TLL1: variants seen among roughly 807,000 people sequenced by gnomAD.
TLL1 encodes tolloid-like protein 1.
Under a neutral mutation model 128.2 loss-of-function variants are expected in TLL1, and 49 were observed. The ratio of observed to expected loss-of-function variants is 0.38; its 90% CI spans 0.30 to 0.48. The LOEUF is 0.48. TLL1 is among the 20% of genes least tolerant of loss of function. The pLI, the probability that TLL1 is intolerant of heterozygous loss-of-function variation, is 0.96. For synonymous variants in TLL1, 454 were observed against 418.8 expected, an observed-to-expected ratio of 1.08 and a Z score of -1.03; for missense variants, 1,123 against 1,242.0, an observed-to-expected ratio of 0.90 and a Z score of 1.44.
rs140767132 is a variant in TLL1 at position 165,874,291 on chromosome 4, C to A, written c.169+218C>A. ...AGTTCTGTGCCAGTGGGATCCACTG[C>A]CAAGCTCCCATCTCCCAGTTTGGGA... On this transcript the variant is annotated intron_variant, in intron 1 of 20. Transcript: ENST00000061240. 4.5e-3 allele frequency among the ~76,000 whole-genome samples: 687 copies of A among 152,204 alleles called. 9 individuals carry two copies. Among genetic ancestry groups the A allele is most frequent in the African/African-American group, 0.015 (619 of 41,518 alleles).
intron 18 of TLL1, among the ~76,000 whole-genome samples, chr4:166,088,486 C>T (rs539803127): frequency 1.3e-5 from 2 of 152,134 alleles, no homozygotes; most frequent in East Asian, 1.9e-4. Context: ...ATACAAGGGA[C>T]AGACTTCCGA....
At chr4:165,959,991 G>A (rs909924689) in intron 1 of TLL1, among the ~76,000 whole-genome samples, 5 of 151,958 alleles carry the variant, frequency 3.3e-5, no homozygotes, top group African/African-American at 7.2e-5. Flanking sequence ...GACTATATTC[G>A]AGCAGAGCTG....
chr4:165,916,788 G>C (rs538125648), intron 1 of TLL1, among the ~76,000 whole-genome samples: 1 of 152,124 alleles, frequency 6.6e-6, no homozygotes, highest in South Asian at 2.1e-4. Context: ...CAGAGAACTG[G>C]TTCTGCTGCC....
chr4:166,052,897 G>C (rs928688580), intron 12 of TLL1, among the ~76,000 whole-genome samples: 1 of 143,794 alleles, frequency 7.0e-6, no homozygotes, highest in Non-Finnish European at 1.5e-5. Flanking sequence ...ATCTGGAAAT[G>C]TTCTCATATT....
intron 16 of TLL1, among the ~76,000 whole-genome samples, chr4:166,073,377 T>C (rs779163467): frequency 3.9e-5 from 6 of 152,176 alleles, no homozygotes; most frequent in Non-Finnish European, 7.4e-5. Context: ...TTCAAAATTA[T>C]GGTAAATTTC....
intron 1 of TLL1, among the ~76,000 whole-genome samples, chr4:165,891,144 C>A (rs1482153392): frequency 6.6e-6 from 1 of 152,148 alleles, no homozygotes; most frequent in Non-Finnish European, 1.5e-5. Context: ...ACGCACAGAG[C>A]AGGAAGACCC....
intron 16 of TLL1, among the ~76,000 whole-genome samples, chr4:166,068,182 A>C (rs764166260): frequency 1.9e-4 from 29 of 151,668 alleles, no homozygotes; most frequent in Non-Finnish European, 4.0e-4. Flanking sequence ...ATTTCCTGGG[A>C]GTTTCTGTTA....
chr4:166,094,851 T>A (rs186315088), intron 19 of TLL1, among the ~76,000 whole-genome samples: 29 of 152,246 alleles, frequency 1.9e-4, no homozygotes, highest in Non-Finnish European at 3.2e-4. Context: ...TATTCTACTC[T>A]TTCATCAAAT....
intron 1 of TLL1, among the ~76,000 whole-genome samples, chr4:165,921,984 T>TA (rs1733063609): frequency 6.6e-6 from 1 of 152,036 alleles, no homozygotes; most frequent in African/African-American, 2.4e-5. Context: ...ATGGCAAAGA[T>TA]AAATTTTAGG....
Position 166,101,220 on chromosome 4 carries a change from G to T in TLL1, c.*344G>T. The T allele has an allele frequency of 3.4e-6, 1 of 294,942 alleles. No homozygotes were observed. Among genetic ancestry groups the T allele is most frequent in the Non-Finnish European group, 6.5e-6 (1 of 153,518 alleles). The allele number at this position is 294,942 out of a possible 1,614,324, so 18.3% of individuals were successfully genotyped here. A position where few individuals can be genotyped will look rare whatever the true frequency, so the allele number is the denominator to read the frequency against. On this transcript the variant is annotated 3_prime_UTR_variant, in exon 21 of 21. Coordinates refer to ENST00000061240, the MANE Select transcript of TLL1 (RefSeq NM_012464.5). ...ACTGTGACCCTGCAGTGTTCTTTTT[G>T]ACAATTTGTCAAGATTTAGGGACAT...
intron 15 of TLL1, among the ~76,000 whole-genome samples, chr4:166,062,605 A>T (rs1239154102): frequency 6.6e-6 from 1 of 152,188 alleles, no homozygotes; most frequent in Non-Finnish European, 1.5e-5. Flanking sequence ...TTTTCAGCTT[A>T]TGGAGATTTT....
intron 1 of TLL1, among the ~76,000 whole-genome samples, chr4:165,962,364 C>T (rs1477864614): frequency 1.3e-5 from 2 of 152,130 alleles, no homozygotes; most frequent in Non-Finnish European, 2.9e-5. Flanking sequence ...ATCAAAACTA[C>T]AGTGAGACAC....
intron 1 of TLL1, among the ~76,000 whole-genome samples, chr4:165,942,842 T>C (rs1734080638): frequency 6.6e-6 from 1 of 152,042 alleles, no homozygotes; most frequent in South Asian, 2.1e-4. Flanking sequence ...TTAGATTATA[T>C]GGAGACTTTT....
At chr4:166,075,192 T>C (rs564655423) in intron 17 of TLL1, among the ~76,000 whole-genome samples, 189 bp downstream of exon 17, 6 of 152,302 alleles carry the variant, frequency 3.9e-5, no homozygotes, top group Admixed American at 2.0e-4. Context: ...ACTTCGCACA[T>C]AGATGGCATT....
intron 1 of TLL1, among the ~76,000 whole-genome samples, chr4:165,945,825 CA>C (rs1734218452): frequency 6.6e-6 from 1 of 152,108 alleles, no homozygotes; most frequent in Non-Finnish European, 1.5e-5. Context: ...GCTGTTCAGT[CA>C]AGCTAATCCA....
In TLL1 at chr4:166,097,746, T is replaced by C. The variant is rs181123476; in HGVS notation, c.2657-1531T>C. The stretch of plus-strand genomic sequence containing the variant: ...ACCATCTTCACTAAGGACTATCTGG[T>C]CACAGACTACCATCACAGTATTACA... On this transcript the variant is annotated intron_variant, in intron 19 of 20. Transcript: ENST00000061240. Among the ~76,000 whole-genome samples, 33 of 152,258 alleles carry C rather than the reference T, an allele frequency of 2.2e-4. No individual in the cohort carries two copies. In the East Asian group the frequency reaches 6.2e-3, roughly 29 times the overall value.
At chr4:165,939,575 C>T (rs80115560) in intron 1 of TLL1, among the ~76,000 whole-genome samples, 5,441 of 151,992 alleles carry the variant, frequency 0.036, 290 homozygotes, top group African/African-American at 0.12. Flanking sequence ...CTTCCATTAC[C>T]CTTGGATCCT....
chr4:165,947,739 G>T (rs1734324654), intron 1 of TLL1, among the ~76,000 whole-genome samples: 1 of 152,110 alleles, frequency 6.6e-6, no homozygotes, highest in Admixed American at 6.6e-5. Flanking sequence ...TCTGAAGGGT[G>T]TTGTCACTGA....
chr4:166,020,242 T>C (rs1321866592), intron 8 of TLL1, among the ~76,000 whole-genome samples: 1 of 152,190 alleles, frequency 6.6e-6, no homozygotes, highest in Non-Finnish European at 1.5e-5. Flanking sequence ...GTCTTTATGA[T>C]GGTTTCCAAG....
Sources: gnomAD v4.1 joint callset for allele counts (sites outside exome capture counted in the v4.1 genomes callset) on GRCh38, gnomAD v4.1.1 for gene constraint, MANE v1.5 for transcripts, NCBI Gene and HGNC (gene_info 2026-07-23, HGNC 2026-07-21) for gene names.